ZNF540: variants seen among roughly 807,000 people sequenced by gnomAD.
ZNF540 encodes the protein zinc finger protein 540, also known as CTD-3064H18.6.
Under a neutral mutation model 11.8 loss-of-function variants are expected in ZNF540, and 3 were observed. That is an observed-to-expected ratio of 0.25 (90% CI 0.12 to 0.65). The LOEUF (loss-of-function observed/expected upper bound fraction) is 0.65, where lower values mean the gene tolerates loss of function less well. Among genes scored for constraint, ZNF540 ranks in the 30% least tolerant of loss-of-function variants. The pLI is 0.83. For missense variants in ZNF540, 709 were observed against 793.1 expected (o/e 0.89, Z 1.27); for synonymous variants, 247 against 259.0 (o/e 0.95, Z 0.45).
rs140262859 is a variant in ZNF540, at chr19:37,601,104, C to G, written c.231C>G (p.Pro77=). 1.7e-5 allele frequency: 26 copies of G among 1,571,610 alleles called. No homozygotes were observed. The African/African-American group carries it at 3.2e-4, about 20-fold the overall frequency. ...VARDVTGRQC[P]GLLSRHKTKK... is the part of the protein sequence containing the mutation. ...GGGATGTGACAGGAAGACAGTGCCC[C>G]GGTGAGTTGAGAGTTCATCAGGCAG... Residue 77 remains proline, a splice_region_variant and synonymous_variant, in exon 4 of 5, where the codon CCC becomes CCG. Transcript: ENST00000316433.
chr19:37,556,842 CA>C (rs2042665054), intron 1 of ZNF540, among the ~76,000 whole-genome samples: 1 of 152,182 alleles, frequency 6.6e-6, no homozygotes, highest in Non-Finnish European at 1.5e-5. Flanking sequence ...CCAATTTACA[CA>C]AGTTTCTAAG....
At chr19:37,561,385 CTG>C (rs1472892655) in intron 1 of ZNF540, among the ~76,000 whole-genome samples, 7 of 152,280 alleles carry the variant, frequency 4.6e-5, no homozygotes, top group Admixed American at 3.3e-4. Flanking sequence ...ATTTAAATAA[CTG>C]ACATAATGCT....
chr19:37,561,205 A>G (rs1391117692), intron 1 of ZNF540, among the ~76,000 whole-genome samples: 3 of 152,112 alleles, frequency 2.0e-5, no homozygotes, highest in Non-Finnish European at 4.4e-5. Context: ...ACTGCACTCC[A>G]GCCTGGGTGA....
intron 1 of ZNF540, chr19:37,583,845 G>A (rs2043563044): frequency 1.1e-6 from 1 of 910,914 alleles, no homozygotes; most frequent in Non-Finnish European, 1.7e-6. Flanking sequence ...GTACACGGTG[G>A]AGCTGTCCAT....
Position 37,598,390 on chromosome 19 carries a change from T to G in ZNF540, c.-58T>G. On this transcript the variant is annotated 5_prime_UTR_variant, in exon 2 of 5. Transcript: ENST00000316433. Reference sequence around the variant, plus strand: ...CTCTAACTCAGGCTTCTCAGAACTTTGCTTCTCCAGCAGAATAATCCTGCG... The same window carrying G: ...CTCTAACTCAGGCTTCTCAGAACTTGGCTTCTCCAGCAGAATAATCCTGCG... 1 of 1,606,990 alleles carries G rather than the reference T, an allele frequency of 6.2e-7. No individual in the cohort carries two copies. Among genetic ancestry groups the G allele is most frequent in the East Asian group, 2.2e-5 (1 of 44,828 alleles).
intron 1 of ZNF540, 141 bp from the exon 2 acceptor site, chr19:37,598,233 AGT>A: frequency 1.8e-6 from 1 of 566,082 alleles, no homozygotes; most frequent in East Asian, 3.0e-5. Context: ...TGCTGTGGTG[AGT>A]GTGTCGGAGG....
At chr19:37,562,573 T>C (rs929889724) in intron 1 of ZNF540, 3 of 152,174 alleles carry the variant, frequency 2.0e-5, no homozygotes, top group East Asian at 1.9e-4. Flanking sequence ...CATTGATTGA[T>C]TGCTGCTCCA....
chr19:37,602,294 T>G (rs760739700), intron 4 of ZNF540, among the ~76,000 whole-genome samples: 1 of 152,166 alleles, frequency 6.6e-6, no homozygotes, highest in Non-Finnish European at 1.5e-5. Flanking sequence ...TATATATATT[T>G]AAAATGCCTA....
chr19:37,565,939 T>G (rs777420496), intron 1 of ZNF540: 1 of 1,613,840 alleles, frequency 6.2e-7, no homozygotes, highest in Non-Finnish European at 8.5e-7. Context: ...AGCATTTTTC[T>G]ATATTATGAT....
chr19:37,552,383 T>G (rs971710343), intron 1 of ZNF540, among the ~76,000 whole-genome samples: 1 of 152,214 alleles, frequency 6.6e-6, no homozygotes, highest in Non-Finnish European at 1.5e-5. Context: ...TTACAACAAG[T>G]TGGCTATTAG....
chr19:37,561,105 G>A (rs1296878195), intron 1 of ZNF540, among the ~76,000 whole-genome samples: 2 of 151,020 alleles, frequency 1.3e-5, no homozygotes, highest in African/African-American at 2.4e-5. Context: ...TCCAGGTGTG[G>A]TGGTGCACAC....
At chr19:37,587,737 T>G (rs2043725333) in intron 1 of ZNF540, among the ~76,000 whole-genome samples, 1 of 152,104 alleles carries the variant, frequency 6.6e-6, no homozygotes, top group Admixed American at 6.5e-5. Context: ...TAGTTGAGCT[T>G]TGAAGCACCA....
intron 1 of ZNF540, among the ~76,000 whole-genome samples, chr19:37,567,084 A>T (rs1020484928): frequency 2.6e-5 from 4 of 152,194 alleles, no homozygotes; most frequent in African/African-American, 9.6e-5. Context: ...AGATACCTGC[A>T]TGGCTTGTTC....
chr19:37,609,351 G>C (rs2044109500), intron 4 of ZNF540, among the ~76,000 whole-genome samples: 2 of 152,034 alleles, frequency 1.3e-5, no homozygotes, highest in Non-Finnish European at 2.9e-5. Flanking sequence ...AGACCAGCCT[G>C]GCCAATATAG....
intron 1 of ZNF540, among the ~76,000 whole-genome samples, chr19:37,579,493 A>G (rs2147186631): frequency 6.6e-6 from 1 of 152,330 alleles, no homozygotes; most frequent in South Asian, 2.1e-4. Context: ...CAATGGGGAA[A>G]GGATTCCCTA....
chr19:37,585,516 C>CTGAGACTGCACATTTCACAAGAATGT (rs1280530220), intron 1 of ZNF540: 3 of 152,226 alleles, frequency 2.0e-5, no homozygotes. Context: ...AAGCAATGAC[C>CTGAGACTGCACATTTCACAAGAATGT]TGAGACTGCA....
At chr19:37,579,948 G>A (rs2147187741) in intron 1 of ZNF540, among the ~76,000 whole-genome samples, 1 of 152,066 alleles carries the variant, frequency 6.6e-6, no homozygotes, top group Non-Finnish European at 1.5e-5. Flanking sequence ...CTCACATATT[G>A]CTACCTATTA....
At position 37,611,803 on chromosome 19, in the gene ZNF540, T is replaced by C. The variant is rs192849292; in HGVS notation, c.523T>C (p.Leu175=). 1 of 1,614,020 alleles carries C rather than the reference T, an allele frequency of 6.2e-7. No homozygotes were observed. Among genetic ancestry groups the C allele is most frequent in the East Asian group, 2.2e-5 (1 of 44,826 alleles). The change falls in exon 5 of 5, where the codon TTG becomes CTG. Residue 175 remains leucine (L), a synonymous_variant. Transcript: ENST00000316433. ...HNSEKSCDSH[L]VQHGKIDSDV... ...TAGTGAGAAAAGCTGTGACTCACAC[T>C]TGGTTCAACATGGGAAAATAGATTC...
rs764417413 is a variant in ZNF540 at position 37,612,934 on chromosome 19, G to A, written c.1654G>A (p.Asp552Asn). 1.2e-6 allele frequency: 2 copies of A among 1,613,956 alleles called. No homozygotes were observed. Among genetic ancestry groups the A allele is most frequent in the East Asian group, 4.5e-5 (2 of 44,878 alleles). The change falls in exon 5 of 5, where the codon GAC becomes AAC. Residue 552 changes from aspartate (D) to asparagine (N), a missense_variant. Asp to Asn is a conservative substitution (Grantham distance 23, BLOSUM62 1). Transcript: ENST00000316433. ...AATTCATTCTGGTTTAAAACCCTAT[G>A]ACTGTAAAGAATGTGGGAAGTCCTT... ...LKIHSGLKPY[D>N]CKECGKSFSR...
Sources: allele counts gnomAD v4.1 joint callset (sites outside exome capture counted in the v4.1 genomes callset), GRCh38; gene constraint gnomAD v4.1.1; transcripts MANE v1.5; gene names NCBI Gene and HGNC (gene_info 2026-07-23, HGNC 2026-07-21).